SACS: variants seen among roughly 807,000 people sequenced by gnomAD.
The protein encoded by SACS is sacsin.
A neutral mutation model predicts 348.0 loss-of-function variants in SACS; 197 were observed. The ratio of observed to expected loss-of-function variants is 0.57; its 90% CI spans 0.50 to 0.64. The LOEUF (loss-of-function observed/expected upper bound fraction) is 0.64. SACS is among the 30% of genes least tolerant of loss of function. The pLI is 0.00. For missense variants in SACS, 4,999 were observed against 5,360.8 expected (o/e 0.93, Z 2.11); for synonymous variants, 1,985 against 1,910.6 (o/e 1.04, Z -1.02).
chr13:23,362,176 G>A (rs907677104), intron 6 of SACS, among the ~76,000 whole-genome samples: 1 of 152,176 alleles, frequency 6.6e-6, no homozygotes, highest in Non-Finnish European at 1.5e-5. Context: ...GCATCACTCA[G>A]AAACCAACTC....
chr13:23,383,004 C>T (rs1374412458), intron 2 of SACS, among the ~76,000 whole-genome samples: 2 of 144,238 alleles, frequency 1.4e-5, no homozygotes, highest in African/African-American at 2.6e-5. Context: ...CTCACCATGT[C>T]GCCCAGGCTG....
intron 9 of SACS, among the ~76,000 whole-genome samples, chr13:23,347,552 T>G (rs561211683): frequency 2.6e-5 from 4 of 152,270 alleles, no homozygotes; most frequent in African/African-American, 9.6e-5. Flanking sequence ...CTAATCACTT[T>G]AGCAACAGGC....
rs772247163 is a variant in SACS at position 23,340,330 on chromosome 13, T to C, written c.3546A>G (p.Ala1182=). 28 of 1,613,876 alleles carry C rather than the reference T, an allele frequency of 1.7e-5. No individual in the cohort carries two copies. The Admixed American group carries it at 4.7e-4, about 27-fold the overall frequency. Residue 1182 remains alanine (A), a synonymous_variant, in exon 10 of 10, where the codon GCA becomes GCG. Coordinates refer to ENST00000382292, the MANE Select transcript of SACS (RefSeq NM_014363.6). Reference sequence around the variant, plus strand: ...GGCCTACATCACACATATCTGGTGGTGCACAGAGATTACAGAGATCTCCTT... The same window carrying C: ...GGCCTACATCACACATATCTGGTGGCGCACAGAGATTACAGAGATCTCCTT... ...VWKGDLCNLC[A]PPDMCDVGHA... is the part of the protein sequence containing the mutation.
intron 5 of SACS, among the ~76,000 whole-genome samples, chr13:23,368,052 T>TTGGCTGGCCGGTTGGC (rs1408683603): frequency 2.6e-5 from 4 of 152,108 alleles, no homozygotes; most frequent in African/African-American, 7.2e-5. Flanking sequence ...TAGAATGTAT[T>TTGGCTGGCCGGTTGGC]TGGCTGGCCG....
intron 1 of SACS, among the ~76,000 whole-genome samples, chr13:23,415,789 T>A (rs1873669181): frequency 6.6e-6 from 1 of 152,136 alleles, no homozygotes; most frequent in African/African-American, 2.4e-5. Context: ...AGAATAACTT[T>A]AAAGATAAAT....
Position 23,337,253 on chromosome 13 carries a change from G to C in SACS, c.6623C>G (p.Ala2208Gly). The C allele has an allele frequency of 6.2e-7, 1 of 1,613,860 alleles. No individual in the cohort carries two copies. Among genetic ancestry groups the C allele is most frequent in the Non-Finnish European group, 8.5e-7 (1 of 1,179,900 alleles). Reference protein sequence around the residue: ...IRDPRAKDFAAKYQTIRFLPF... With the variant: ...IRDPRAKDFAGKYQTIRFLPF... ...AAGGAAGCGGATTGTTTGATATTTT[G>C]CAGCAAAATCCTTTGCTCTAGGATC... is the stretch of plus-strand genomic sequence containing the variant. The change falls in exon 10 of 10, where the codon GCA becomes GGA. Residue 2208 changes from alanine (A) to glycine (G), a missense_variant. Ala to Gly is a moderately conservative substitution (Grantham distance 60). Around this residue, in one of 6 missense-constraint regions of SACS, gnomAD observed 3,156 missense variants for 3,380.1 expected, o/e 0.93. Coordinates refer to ENST00000382292, the MANE Select transcript of SACS (RefSeq NM_014363.6).
In SACS at chr13:23,341,510, T is replaced by C. The variant is rs769964021; in HGVS notation, c.2366A>G (p.His789Arg). Residue 789 changes from histidine to arginine, a missense_variant, in exon 10 of 10, where the codon CAT (histidine) becomes CGT (arginine). Physicochemically the swap from His to Arg is conservative, Grantham distance 29. Coordinates refer to ENST00000382292, the MANE Select transcript of SACS (RefSeq NM_014363.6). ...LKMVWKNLYI[H>R]FSEDLTLFDE... The stretch of plus-strand genomic sequence containing the variant: ...AAATAAAGTCAAATCCTCTGAAAAA[T>C]GTATATAAAGATTTTTCCAAACCAT... 2 of 1,613,976 alleles carry C rather than the reference T, an allele frequency of 1.2e-6. No homozygotes were observed. The highest frequency in any genetic ancestry group is 1.3e-5 in the African/African-American group (1 of 75,008).
Position 23,332,301 on chromosome 13 carries a change from G to A in SACS, c.11575C>T (p.Arg3859Cys), listed in dbSNP as rs531548042. The A allele has an allele frequency of 1.4e-5, 23 of 1,613,772 alleles. No individual in the cohort carries two copies. Among genetic ancestry groups the A allele is most frequent in the Admixed American group, 1.2e-4 (7 of 59,980 alleles). ...TTGCCCTCAGAATTTTTAAATATGCGGCTCAACACTTCAACATATTGCTTA... is the reference window on the plus strand; with the variant it reads ...TTGCCCTCAGAATTTTTAAATATGCAGCTCAACACTTCAACATATTGCTTA... ...STKQYVEVLS[R>C]IFKNSEGKQL... The change falls in exon 10 of 10, where the codon CGC (arginine) becomes TGC (cysteine). Residue 3859 changes from arginine to cysteine, a missense_variant. Arg to Cys is a radical substitution (Grantham distance 180). This residue lies in a region of SACS where 831 missense variants were observed against 941.8 expected (regional missense o/e 0.88). Transcript: ENST00000382292.
Position 23,337,065 on chromosome 13 carries a change from A to C in SACS, c.6811T>G (p.Cys2271Gly). 6.2e-7 allele frequency: 1 copy of C among 1,614,002 alleles called. No individual in the cohort carries two copies. The highest frequency in any genetic ancestry group is 8.5e-7 in the Non-Finnish European group (1 of 1,179,908). Residue 2271 changes from cysteine (C) to glycine (G), a missense_variant, in exon 10 of 10, where the codon TGT becomes GGT. Physicochemically the swap from Cys to Gly is radical, Grantham distance 159. This residue lies in a region of SACS where 3,156 missense variants were observed against 3,380.1 expected (regional missense o/e 0.93). Transcript: ENST00000382292. Reference sequence around the variant, plus strand: ...TTAACAGCCAATGACACTGAACCACAACCTCTAAAAGAATGGGAATTTTCA... The same window carrying C: ...TTAACAGCCAATGACACTGAACCACCACCTCTAAAAGAATGGGAATTTTCA... ...LNENSHSFRGCGSVSLAVKEF... is the reference protein window; with the variant it reads ...LNENSHSFRGGGSVSLAVKEF...
At chr13:23,349,621 C>G (rs998959416) in intron 9 of SACS, among the ~76,000 whole-genome samples, 1 of 152,192 alleles carries the variant, frequency 6.6e-6, no homozygotes, top group Non-Finnish European at 1.5e-5. Flanking sequence ...GGATACAACT[C>G]AACTGGCAAG....
rs1192519079 is a variant in SACS at position 23,332,879 on chromosome 13, A to T, written c.10997T>A (p.Phe3666Tyr). 2 of 1,613,912 alleles carry T rather than the reference A, an allele frequency of 1.2e-6. No individual in the cohort carries two copies. Among genetic ancestry groups the T allele is most frequent in the Admixed American group, 1.7e-5 (1 of 60,012 alleles). Reference sequence around the variant, plus strand: ...ATTTACCTCTTGATATTGAGGATGAAATCTAATGAATTCCGCGGGGGCCCG... The same window carrying T: ...ATTTACCTCTTGATATTGAGGATGATATCTAATGAATTCCGCGGGGGCCCG... ...PERAPAEFIRFHPQYQEVNGT... is the reference protein window; with the variant it reads ...PERAPAEFIRYHPQYQEVNGT... Residue 3666 changes from phenylalanine to tyrosine, a missense_variant, in exon 10 of 10, where the codon TTT (phenylalanine) becomes TAT (tyrosine). By Grantham distance (22) the Phe-to-Tyr change is conservative. Around this residue, in one of 6 missense-constraint regions of SACS, gnomAD observed 831 missense variants for 941.8 expected, o/e 0.88. Coordinates refer to ENST00000382292, the MANE Select transcript of SACS (RefSeq NM_014363.6).
In SACS at chr13:23,330,155, A is replaced by C; in HGVS notation, c.13721T>G (p.Phe4574Cys). The C allele has an allele frequency of 1.2e-6, 2 of 1,613,980 alleles. No individual in the cohort carries two copies. The highest frequency in any genetic ancestry group is 1.7e-6 in the Non-Finnish European group (2 of 1,179,886). Residue 4574 changes from phenylalanine to cysteine, a missense_variant, in exon 10 of 10, where the codon TTT (phenylalanine) becomes TGT (cysteine). Transcript: ENST00000382292. Reference protein sequence around the residue: ...TACIIIKLENFMQQKV With the variant: ...TACIIIKLENCMQQKV ...ATATCTTCACACTTTTTGTTGCATA[A>C]AATTTTCAAGTTTTATTATGATACA...
At chr13:23,349,821 T>TA (rs1869840508) in intron 9 of SACS, among the ~76,000 whole-genome samples, 1 of 152,148 alleles carries the variant, frequency 6.6e-6, no homozygotes. Flanking sequence ...AGTCACACAA[T>TA]AGAGGAGTGA....
chr13:23,372,801 C>T (rs1002468310), intron 3 of SACS, among the ~76,000 whole-genome samples: 1 of 152,188 alleles, frequency 6.6e-6, no homozygotes, highest in Non-Finnish European at 1.5e-5. Flanking sequence ...GCAAGACCTT[C>T]CAACTTATTC....
intron 5 of SACS, among the ~76,000 whole-genome samples, chr13:23,366,011 A>T (rs1288422515): frequency 6.6e-6 from 1 of 152,080 alleles, no homozygotes; most frequent in Non-Finnish European, 1.5e-5. Flanking sequence ...CACCTACTAA[A>T]ATCACGCTGG....
At position 23,332,559 on chromosome 13, in the gene SACS, A is replaced by T. The variant is rs1194302679; in HGVS notation, c.11317T>A (p.Leu3773Ile). ...CTGAGGAATTCATATATGCTCCTTA[A>T]GACTTTTGCTCTAGTTTTTACCATT... ...EEMVKTRAKVLRSIYEFLSAE... is the reference protein window; with the variant it reads ...EEMVKTRAKVIRSIYEFLSAE... Residue 3773 changes from leucine (L) to isoleucine (I), a missense_variant, in exon 10 of 10, where the codon TTA (leucine) becomes ATA (isoleucine). This residue lies in a region of SACS where 831 missense variants were observed against 941.8 expected (regional missense o/e 0.88). Transcript: ENST00000382292. The T allele has an allele frequency of 3.7e-6, 6 of 1,613,964 alleles. No homozygotes were observed. The highest frequency in any genetic ancestry group is 5.1e-6 in the Non-Finnish European group (6 of 1,179,912).
intron 9 of SACS, among the ~76,000 whole-genome samples, chr13:23,348,344 A>C (rs1869739858): frequency 1.3e-5 from 2 of 151,334 alleles, no homozygotes; most frequent in South Asian, 4.2e-4. Context: ...CACTGATTTG[A>C]AGAGAACTAT....
In SACS at chr13:23,353,790, G is replaced by T; in HGVS notation, c.2180C>A (p.Thr727Asn). ...AGAATACTAAACTATAATACCTCGG[G>T]TTTGGGCAGCTTCCTTTAAAGCAGC... ...LVAALKEAAQTRGRPCTQLQL... is the reference protein window; with the variant it reads ...LVAALKEAAQNRGRPCTQLQL... The change falls in exon 9 of 10, where the codon ACC (threonine) becomes AAC (asparagine). Residue 727 changes from threonine to asparagine, a missense_variant. This residue lies in a region of SACS where 3,156 missense variants were observed against 3,380.1 expected (regional missense o/e 0.93). Transcript: ENST00000382292. 1 of 1,575,704 alleles carries T rather than the reference G, an allele frequency of 6.3e-7. No homozygotes were observed. The highest frequency in any genetic ancestry group is 8.7e-7 in the Non-Finnish European group (1 of 1,145,624).
Position 23,346,462 on chromosome 13 carries a change from C to T in SACS, c.2186-4772G>A, listed in dbSNP as rs556268680. ...CCTGGCCCCCTCTATGCTTTTTAAT[C>T]GGAATATTTGTGTGCGTCGTATAAT... is the stretch of plus-strand genomic sequence containing the variant. On this transcript the variant is annotated intron_variant, in intron 9 of 9. Transcript: ENST00000382292. Among the ~76,000 whole-genome samples the T allele has an allele frequency of 6.6e-5, 10 of 152,092 alleles. No individual in the cohort carries two copies. In the East Asian group the frequency reaches 9.7e-4, roughly 15 times the overall value.
Sources: gnomAD v4.1 joint callset for allele counts (sites outside exome capture counted in the v4.1 genomes callset) on GRCh38, gnomAD v4.1.1 for gene constraint, gnomAD v4.1.1 regional missense constraint, MANE v1.5 for transcripts, NCBI Gene and HGNC (gene_info 2026-07-23, HGNC 2026-07-21) for gene names.